The following ELMOD3 variants were observed in gnomAD, a reference collection of about 807,000 sequenced individuals.
The protein encoded by ELMOD3 is ELMO domain-containing protein 3.
A neutral mutation model predicts 47.4 loss-of-function variants in ELMOD3; 36 were observed. The ratio of observed to expected loss-of-function variants is 0.76; its 90% CI spans 0.58 to 1.00. The LOEUF (loss-of-function observed/expected upper bound fraction) is 1.00. ELMOD3 is among the 50% of genes least tolerant of loss of function. ELMOD3 has a pLI of 0.00. For missense variants in ELMOD3, 404 were observed against 463.8 expected (o/e 0.87, Z 1.18); for synonymous variants, 149 against 183.5 (o/e 0.81, Z 1.52).
chr2:85,375,456 T>C (rs376324065), intron 10 of ELMOD3, among the ~76,000 whole-genome samples: 1 of 152,242 alleles, frequency 6.6e-6, no homozygotes, highest in Admixed American at 6.5e-5. Context: ...CTGATTCTGT[T>C]GTCTCCGTTC....
chr2:85,370,602 G>C (rs947693682), intron 8 of ELMOD3, among the ~76,000 whole-genome samples: 17 of 152,150 alleles, frequency 1.1e-4, no homozygotes, highest in African/African-American at 3.6e-4. Context: ...ATATTCTAAG[G>C]CTTGCAGTAG....
Position 85,371,452 on chromosome 2 carries a change from G to A in ELMOD3, c.497G>A (p.Ser166Asn), listed in dbSNP as rs1289039298. The A allele has an allele frequency of 4.3e-6, 7 of 1,614,232 alleles. No homozygotes were observed. Among genetic ancestry groups the A allele is most frequent in the Non-Finnish European group, 5.1e-6 (6 of 1,180,046 alleles). The change falls in exon 10 of 14, where the codon AGC becomes AAC. Residue 166 changes from serine (S) to asparagine (N), a missense_variant. By Grantham distance (46) the Ser-to-Asn change is conservative. Coordinates refer to ENST00000409013, the MANE Select transcript of ELMOD3 (RefSeq NM_001135022.2). ...TGTTTTGGGGCAGGTGGCCTGGATA[G>A]CCAAGACCCAGTGCATGGCCGAGTC... ...VLTIAQCGLD[S>N]QDPVHGRVLQ... is the part of the protein sequence containing the mutation.
chr2:85,370,323 G>A (rs1180815969), intron 8 of ELMOD3, among the ~76,000 whole-genome samples: 1 of 151,818 alleles, frequency 6.6e-6, no homozygotes, highest in Non-Finnish European at 1.5e-5. Flanking sequence ...CAGCTCTTTC[G>A]GAGGAGGCTG....
chr2:85,389,904 A>C, intron 12 of ELMOD3, 77 bp downstream of exon 12: 2 of 1,379,056 alleles, frequency 1.5e-6, no homozygotes, highest in Non-Finnish European at 2.1e-6. Flanking sequence ...AATTTTCCCC[A>C]GCTCTACTCC....
rs547383436 is a variant in ELMOD3 at position 85,376,739 on chromosome 2, G to A, written c.608-605G>A. ...GGGTGGGTATTGGCTAAAGCCTTCT[G>A]TCTTGCTACACTGCCTCTTTCCCCA... On this transcript the variant is annotated intron_variant, in intron 10 of 13. Transcript: ENST00000409013. The surrounding 1 kb of genome is among the most constrained non-coding windows in gnomAD (Gnocchi z 4.2). The A allele has an allele frequency of 6.6e-6, 1 of 152,304 alleles. No homozygotes were observed. The highest frequency in any genetic ancestry group is 6.5e-5 in the Admixed American group (1 of 15,294). The allele number at this position is 152,304 out of a possible 1,614,324, so 9.4% of individuals were successfully genotyped here.
intron 11 of ELMOD3, among the ~76,000 whole-genome samples, chr2:85,378,191 G>A (rs2104655659): frequency 6.6e-6 from 1 of 152,284 alleles, no homozygotes; most frequent in South Asian, 2.1e-4. Context: ...CGTTAGCAGA[G>A]GTCTTTGAAT....
chr2:85,377,349 A>G lies in ELMOD3; in HGVS notation c.613A>G (p.Asn205Asp), dbSNP rs774947701. ...CCTCACGGTCTCTGTTACAGGAGCGAATCCAGCCACAGACCTGAGAGGCGC... is the reference window on the plus strand; with the variant it reads ...CCTCACGGTCTCTGTTACAGGAGCGGATCCAGCCACAGACCTGAGAGGCGC... Reference protein sequence around the residue: ...HWEDLGFQGANPATDLRGAGF... With the variant: ...HWEDLGFQGADPATDLRGAGF... Residue 205 changes from asparagine to aspartate, a missense_variant, in exon 11 of 14, where the codon AAT (asparagine) becomes GAT (aspartate). By Grantham distance (23) the Asn-to-Asp change is conservative. Transcript: ENST00000409013. The G allele has an allele frequency of 6.3e-7, 1 of 1,598,976 alleles. No homozygotes were observed. The highest frequency in any genetic ancestry group is 8.5e-7 in the Non-Finnish European group (1 of 1,173,136).
At chr2:85,389,701 A>G in intron 11 of ELMOD3, 50 bp from the exon 12 acceptor site, 1 of 1,540,682 alleles carries the variant, frequency 6.5e-7, no homozygotes, top group Non-Finnish European at 9.0e-7. Context: ...GATGACAGGA[A>G]ACACAGTGAG....
chr2:85,388,788 T>A (rs951759782), intron 11 of ELMOD3, among the ~76,000 whole-genome samples: 31 of 152,348 alleles, frequency 2.0e-4, no homozygotes, highest in African/African-American at 7.2e-4. Flanking sequence ...CTTTAACTCA[T>A]TTAAATAGCT....
chr2:85,389,450 G>C (rs570579353), intron 11 of ELMOD3: 3 of 422,264 alleles, frequency 7.1e-6, no homozygotes, highest in South Asian at 2.8e-5. Context: ...GAGAGCTGAC[G>C]GGTCAGGATG....
chr2:85,389,716 G>A (rs1686188853), intron 11 of ELMOD3, 35 bp from the exon 12 acceptor site: 2 of 1,591,798 alleles, frequency 1.3e-6, no homozygotes, highest in East Asian at 2.2e-5. Flanking sequence ...AGTGAGAGCT[G>A]GAGTTGCTGC....
intron 10 of ELMOD3, among the ~76,000 whole-genome samples, chr2:85,374,219 T>G (rs1030994795): frequency 3.3e-5 from 5 of 150,898 alleles, no homozygotes; most frequent in African/African-American, 1.2e-4. Context: ...ATATTTTTTG[T>G]GCCAGGCATG....
At chr2:85,371,719 C>A in intron 10 of ELMOD3, 157 bp downstream of exon 10, 1 of 1,058,402 alleles carries the variant, frequency 9.4e-7, no homozygotes, top group Admixed American at 2.7e-5. Flanking sequence ...TGAGGGGGCG[C>A]CTGCTAGTTC....
intron 11 of ELMOD3, among the ~76,000 whole-genome samples, chr2:85,388,330 A>G (rs1026941212): frequency 1.3e-5 from 2 of 152,210 alleles, no homozygotes; most frequent in Non-Finnish European, 2.9e-5. Context: ...ATGTTAGGGA[A>G]TGATGGGAAC....
rs1357084736 is a variant in ELMOD3, at chr2:85,391,696, G to A, written c.*734G>A. 1 of 152,718 alleles carries A rather than the reference G, an allele frequency of 6.5e-6. No individual in the cohort carries two copies. Among genetic ancestry groups the A allele is most frequent in the African/African-American group, 2.4e-5 (1 of 41,462 alleles). 9.5% of individuals were successfully genotyped at this position (152,718 alleles called of 1,614,324 possible). A position where few individuals can be genotyped will look rare whatever the true frequency, so the allele number is the denominator to read the frequency against. On this transcript the variant is annotated 3_prime_UTR_variant, in exon 14 of 14. Transcript: ENST00000409013. ...CCCATGATGAGTTTCTGGCCTAATT[G>A]AGGGAAGGAGGAAATTCATACCAGC...
intron 4 of ELMOD3, among the ~76,000 whole-genome samples, chr2:85,361,259 A>G (rs541794334): frequency 1.1e-4 from 16 of 152,344 alleles, no homozygotes; most frequent in African/African-American, 3.6e-4. Flanking sequence ...CAGAAAGGCC[A>G]TAGGAAACTG....
intron 6 of ELMOD3, among the ~76,000 whole-genome samples, chr2:85,366,728 C>A (rs902065910): frequency 6.6e-6 from 1 of 152,232 alleles, no homozygotes; most frequent in Non-Finnish European, 1.5e-5. Context: ...GCTTCCCAGC[C>A]GCTTTCTCTT....
rs1685157667 is a variant in ELMOD3, at chr2:85,376,209, T to G, written c.608-1135T>G. On this transcript the variant is annotated intron_variant, in intron 10 of 13. Transcript: ENST00000409013. This position sits in a 1 kb window ranked among gnomAD's most constrained non-coding sequence, Gnocchi z 4.2. ...CTGTTGGTGTCTGTTGATCATCTTT[T>G]CTCATTCGAATTGAGAATTACCTAG... Among the ~76,000 whole-genome samples the G allele has an allele frequency of 6.6e-6, 1 of 152,240 alleles. No homozygotes were observed. The highest frequency in any genetic ancestry group is 6.5e-5 in the Admixed American group (1 of 15,278).
At chr2:85,358,323 G>T (rs1683708855) in intron 4 of ELMOD3, among the ~76,000 whole-genome samples, 1 of 151,864 alleles carries the variant, frequency 6.6e-6, no homozygotes, top group East Asian at 1.9e-4. Flanking sequence ...ATAAGAGAAG[G>T]TCCTTATGCA....
Sources: gnomAD v4.1 joint callset for allele counts (sites outside exome capture counted in the v4.1 genomes callset) on GRCh38, gnomAD v4.1.1 for gene constraint, Gnocchi (gnomAD v3.1) non-coding constraint, MANE v1.5 for transcripts, NCBI Gene and HGNC (gene_info 2026-07-23, HGNC 2026-07-21) for gene names.